Variants in ADK observed in about 807,000 individuals in gnomAD.
ADK encodes adenosine kinase, also known as N6,N6-dimethyladenosine kinase.
A neutral mutation model predicts 44.7 loss-of-function variants in ADK; 24 were observed. The observed-to-expected ratio is 0.54, with a 90% CI of 0.39 to 0.76. The LOEUF (loss-of-function observed/expected upper bound fraction) is 0.76, where lower values mean the gene tolerates loss of function less well. Among genes scored for constraint, ADK ranks in the 30% least tolerant of loss-of-function variants. The pLI is 0.00. For synonymous variants in ADK, 128 were observed against 142.6 expected, an observed-to-expected ratio of 0.90 and a Z score of 0.73; for missense variants, 321 against 425.1, an observed-to-expected ratio of 0.76 and a Z score of 2.15.
chr10:74,696,630 A>G (rs1476447572), intron 10 of ADK, among the ~76,000 whole-genome samples: 2 of 152,042 alleles, frequency 1.3e-5, no homozygotes, highest in Non-Finnish European at 2.9e-5. Context: ...TCGGCCTCCC[A>G]AAGCACTGGG....
At chr10:74,444,930 A>G (rs1845544015) in intron 6 of ADK, among the ~76,000 whole-genome samples, 1 of 152,064 alleles carries the variant, frequency 6.6e-6, no homozygotes, top group Non-Finnish European at 1.5e-5. Flanking sequence ...TGGCACATAC[A>G]TGCAGAAGAT....
In ADK at chr10:74,403,987, C is replaced by G. The variant is rs1843812207; in HGVS notation, c.555+5408C>G. 4.6e-5 allele frequency among the ~76,000 whole-genome samples: 7 copies of G among 152,232 alleles called. No individual in the cohort carries two copies. In the South Asian group the frequency reaches 1.5e-3, roughly 32 times the overall value. ...CCTGGGTTCACACCATTCTCCTTGC[C>G]TTAGCCTCCCAAGTAGCTGGGACTG... On this transcript the variant is annotated intron_variant, in intron 6 of 10. Coordinates refer to ENST00000539909, the MANE Select transcript of ADK (RefSeq NM_006721.4).
intron 9 of ADK, among the ~76,000 whole-genome samples, chr10:74,669,649 C>G (rs1231799645): frequency 6.6e-6 from 1 of 152,094 alleles, no homozygotes; most frequent in African/African-American, 2.4e-5. Flanking sequence ...ATAAAAAATT[C>G]TTGACATTGG....
intron 6 of ADK, among the ~76,000 whole-genome samples, chr10:74,523,689 G>T (rs1848927701): frequency 6.6e-6 from 1 of 152,100 alleles, no homozygotes; most frequent in African/African-American, 2.4e-5. Context: ...TACCATCTAA[G>T]CCAGATCTTA....
intron 6 of ADK, among the ~76,000 whole-genome samples, chr10:74,444,214 A>G (rs891476954): frequency 2.0e-5 from 3 of 152,148 alleles, no homozygotes; most frequent in Admixed American, 6.6e-5. Context: ...TATCCTGTGC[A>G]AATGCTGGCT....
intron 4 of ADK, among the ~76,000 whole-genome samples, chr10:74,336,963 G>A (rs1019275914): frequency 2.6e-5 from 4 of 152,084 alleles, no homozygotes; most frequent in Non-Finnish European, 5.9e-5. Flanking sequence ...TGGTTGGTTG[G>A]TCTGCAGATG....
At chr10:74,178,862 G>C (rs942594522) in intron 1 of ADK, among the ~76,000 whole-genome samples, 1 of 152,190 alleles carries the variant, frequency 6.6e-6, no homozygotes, top group African/African-American at 2.4e-5. Flanking sequence ...TGAGGAAACT[G>C]AGACAAAAGT....
chr10:74,555,844 A>G (rs1009670228), intron 7 of ADK, among the ~76,000 whole-genome samples: 2 of 152,160 alleles, frequency 1.3e-5, no homozygotes, highest in African/African-American at 4.8e-5. Flanking sequence ...TCAACCTCAG[A>G]ACTTGAGTTG....
At chr10:74,428,982 C>T (rs1221179149) in intron 6 of ADK, among the ~76,000 whole-genome samples, 1 of 151,940 alleles carries the variant, frequency 6.6e-6, no homozygotes, top group Non-Finnish European at 1.5e-5. Context: ...TGCATACATA[C>T]AGAAAAAGAA....
intron 6 of ADK, among the ~76,000 whole-genome samples, chr10:74,451,132 TAAAAC>T (rs1274764942): frequency 5.6e-5 from 7 of 124,530 alleles, no homozygotes; most frequent in South Asian, 2.7e-4. Context: ...ATGAAAAAAA[TAAAAC>T]AATAGTTTTT....
rs1239655249 is a variant in ADK at position 74,618,972 on chromosome 10, C to T, written c.877+18479C>T. 4.7e-5 allele frequency among the ~76,000 whole-genome samples: 7 copies of T among 149,528 alleles called. No homozygotes were observed. In the East Asian group the frequency reaches 1.4e-3, roughly 29 times the overall value. On this transcript the variant is annotated intron_variant, in intron 9 of 10. Transcript: ENST00000539909. ...ACTTGGGAATCTAGTTATACATATA[C>T]TAGGTCTTTTCATTGTATCCCATAT...
intron 6 of ADK, among the ~76,000 whole-genome samples, chr10:74,466,912 A>C (rs1244102879): frequency 6.6e-6 from 1 of 152,166 alleles, no homozygotes; most frequent in Admixed American, 6.5e-5. Context: ...CCACTTTAAC[A>C]AATCTAGATA....
intron 6 of ADK, among the ~76,000 whole-genome samples, chr10:74,483,155 C>T (rs190229362): frequency 3.3e-5 from 5 of 152,296 alleles, no homozygotes; most frequent in Admixed American, 6.5e-5. Context: ...TGTTTCCATA[C>T]GTCCTCCGAA....
intron 6 of ADK, among the ~76,000 whole-genome samples, chr10:74,419,264 G>T (rs1844474974): frequency 6.6e-6 from 1 of 151,814 alleles, no homozygotes; most frequent in Non-Finnish European, 1.5e-5. Context: ...AAATATTTTT[G>T]GTATGTACAA....
chr10:74,695,531 T>A (rs78116752), intron 10 of ADK, among the ~76,000 whole-genome samples: 1,969 of 151,156 alleles, frequency 0.013, 69 homozygotes, highest in East Asian at 0.092. Context: ...TATATGTATA[T>A]ATGTATGTAT....
chr10:74,683,185 CAGATGTT>C (rs1369672717), intron 10 of ADK, among the ~76,000 whole-genome samples: 1 of 152,138 alleles, frequency 6.6e-6, no homozygotes, highest in Admixed American at 6.5e-5. Context: ...AATTTCCTGC[CAGATGTT>C]AGTTCTTTGA....
intron 6 of ADK, among the ~76,000 whole-genome samples, chr10:74,462,320 A>G: frequency 6.6e-6 from 1 of 152,230 alleles, no homozygotes; most frequent in African/African-American, 2.4e-5. Flanking sequence ...AAAAAACTTT[A>G]TATTTTGGTA....
At chr10:74,640,252 T>G (rs992844601) in intron 9 of ADK, among the ~76,000 whole-genome samples, 4 of 152,218 alleles carry the variant, frequency 2.6e-5, no homozygotes, top group Non-Finnish European at 5.9e-5. Flanking sequence ...ATCTAACTCC[T>G]CAGGGACTGG....
intron 1 of ADK, among the ~76,000 whole-genome samples, chr10:74,196,214 CTA>C (rs1491495507): frequency 6.6e-6 from 1 of 151,960 alleles, no homozygotes; most frequent in African/African-American, 2.4e-5. Context: ...TCATCAGGGT[CTA>C]TGTTGCATAC....
Sources: gnomAD v4.1 joint callset for allele counts (sites outside exome capture counted in the v4.1 genomes callset) on GRCh38, gnomAD v4.1.1 for gene constraint, MANE v1.5 for transcripts, NCBI Gene and HGNC (gene_info 2026-07-23, HGNC 2026-07-21) for gene names.